Variants in DLGAP1 observed in about 807,000 individuals in gnomAD.
The protein encoded by DLGAP1 is disks large-associated protein 1.
A neutral mutation model predicts 90.8 loss-of-function variants in DLGAP1; 11 were observed. The observed-to-expected ratio is 0.12, with a 90% CI of 0.08 to 0.20. DLGAP1 has a LOEUF of 0.20. Ranked by LOEUF, DLGAP1 falls within the 10% of genes least tolerant of loss-of-function variation. DLGAP1 has a pLI of 1.00. For synonymous variants in DLGAP1, 558 were observed against 540.7 expected (o/e 1.03, Z -0.44); for missense variants, 1,050 against 1,333.8 (o/e 0.79, Z 3.31).
In DLGAP1 at chr18:3,851,169, C is replaced by T. The variant is rs183742587; in HGVS notation, c.957+27943G>A. 5.5e-3 allele frequency among the ~76,000 whole-genome samples: 831 copies of T among 152,134 alleles called. 13 individuals carry two copies. The highest frequency in any genetic ancestry group is 0.019 in the African/African-American group (782 of 41,540). On this transcript the variant is annotated intron_variant, in intron 4 of 12. Transcript: ENST00000315677. ...TAGATATAGCAGAACTCAGAAATCTCTGTTGAATATCCACTCCCCAAAAGT... is the reference window on the plus strand; with the variant it reads ...TAGATATAGCAGAACTCAGAAATCTTTGTTGAATATCCACTCCCCAAAAGT...
At chr18:4,286,659 GAGTC>G (rs2079700350) in intron 1 of DLGAP1, among the ~76,000 whole-genome samples, 1 of 152,178 alleles carries the variant, frequency 6.6e-6, no homozygotes, top group Non-Finnish European at 1.5e-5. Context: ...TATTTAGTGA[GAGTC>G]AGGCAGTGTT....
intron 4 of DLGAP1, among the ~76,000 whole-genome samples, chr18:3,860,082 G>C (rs1446777816): frequency 9.4e-6 from 1 of 106,080 alleles, no homozygotes; most frequent in Non-Finnish European, 2.1e-5. Context: ...CTGGGCGACA[G>C]AGCGAGACTC....
chr18:3,874,843 A>C, intron 4 of DLGAP1: 1 of 1,244,536 alleles, frequency 8.0e-7, no homozygotes, highest in Non-Finnish European at 1.1e-6. Flanking sequence ...AACTGCAGAC[A>C]GCTTGTGAGT....
chr18:3,857,563 G>A (rs1478468343), intron 4 of DLGAP1, among the ~76,000 whole-genome samples: 1 of 152,152 alleles, frequency 6.6e-6, no homozygotes, highest in Non-Finnish European at 1.5e-5. Context: ...TTGTCTGACT[G>A]GACCACTCCT....
chr18:4,451,081 C>G (rs935718642), intron 1 of DLGAP1, among the ~76,000 whole-genome samples: 2 of 152,118 alleles, frequency 1.3e-5, no homozygotes, highest in Non-Finnish European at 2.9e-5. Context: ...AATAAAGCAA[C>G]CAGGAAAAAT....
chr18:4,033,917 T>G (rs1322443011), intron 2 of DLGAP1, among the ~76,000 whole-genome samples: 2 of 151,742 alleles, frequency 1.3e-5, no homozygotes, highest in Non-Finnish European at 2.9e-5. Flanking sequence ...TTTTATATTT[T>G]TAGTAGAGAC....
At chr18:3,741,271 CACA>C (rs2063011131) in intron 6 of DLGAP1, among the ~76,000 whole-genome samples, 1 of 122,568 alleles carries the variant, frequency 8.2e-6, no homozygotes, top group African/African-American at 3.5e-5. Context: ...TCACCACCAC[CACA>C]TCACCATCAC....
At chr18:3,533,284 A>ATTC (rs2052133428) in intron 10 of DLGAP1, among the ~76,000 whole-genome samples, 1 of 152,218 alleles carries the variant, frequency 6.6e-6, no homozygotes. Context: ...TGTGCGAAAA[A>ATTC]GAGTGTCCAT....
chr18:4,304,848 T>C (rs2080210253), intron 1 of DLGAP1, among the ~76,000 whole-genome samples: 1 of 151,954 alleles, frequency 6.6e-6, no homozygotes, highest in South Asian at 2.1e-4. Context: ...GGAGAATCGC[T>C]TGAACCCAGG....
At chr18:4,227,951 C>A (rs2078226461) in intron 1 of DLGAP1, among the ~76,000 whole-genome samples, 1 of 151,568 alleles carries the variant, frequency 6.6e-6, no homozygotes, top group Admixed American at 6.6e-5. Context: ...TGAGAAAACT[C>A]TTGCCAGACT....
At chr18:4,021,924 C>T (rs982852569) in intron 2 of DLGAP1, among the ~76,000 whole-genome samples, 1 of 152,150 alleles carries the variant, frequency 6.6e-6, no homozygotes, top group African/African-American at 2.4e-5. Context: ...TATAGCAACA[C>T]AAGAACAGAC....
intron 3 of DLGAP1, among the ~76,000 whole-genome samples, chr18:3,924,114 G>A (rs1046912281): frequency 2.0e-5 from 3 of 152,142 alleles, no homozygotes; most frequent in Non-Finnish European, 4.4e-5. Flanking sequence ...ATTTCATGGA[G>A]TGTCACTATT....
chr18:4,138,873 G>T (rs546599625), intron 2 of DLGAP1, among the ~76,000 whole-genome samples: 80 of 152,074 alleles, frequency 5.3e-4, no homozygotes, highest in Non-Finnish European at 6.6e-4. Context: ...TTAGTAGGTT[G>T]TATGTGTCTA....
At chr18:4,296,261 A>G (rs2079978625) in intron 1 of DLGAP1, among the ~76,000 whole-genome samples, 1 of 143,882 alleles carries the variant, frequency 7.0e-6, no homozygotes, top group East Asian at 2.1e-4. Context: ...AGACTGTGTA[A>G]CTCACCTTTA....
intron 5 of DLGAP1, among the ~76,000 whole-genome samples, chr18:3,798,569 T>C (rs149179729): frequency 1.3e-5 from 2 of 152,314 alleles, no homozygotes; most frequent in African/African-American, 4.8e-5. Context: ...TCATGGGACT[T>C]GGCACATGGA....
At chr18:4,063,061 T>C (rs2075320875) in intron 2 of DLGAP1, among the ~76,000 whole-genome samples, 1 of 152,100 alleles carries the variant, frequency 6.6e-6, no homozygotes, top group South Asian at 2.1e-4. Flanking sequence ...GACAAATAAA[T>C]TGGCTAAAAA....
At chr18:3,695,138 G>C (rs147569161) in intron 7 of DLGAP1, among the ~76,000 whole-genome samples, 25 of 151,868 alleles carry the variant, frequency 1.6e-4, no homozygotes, top group African/African-American at 5.8e-4. Context: ...TAGAGACGGG[G>C]TTTCACCGTG....
intron 3 of DLGAP1, among the ~76,000 whole-genome samples, chr18:3,999,886 C>G (rs1992474): frequency 0.53 from 81,215 of 152,148 alleles, 22,007 homozygotes; most frequent in Admixed American, 0.58. Context: ...ATCATAGCTC[C>G]TTGCAACCTC....
chr18:3,789,370 C>G (rs62085180), intron 5 of DLGAP1, among the ~76,000 whole-genome samples: 33,435 of 152,056 alleles, frequency 0.22, 3,848 homozygotes, highest in Non-Finnish European at 0.25. Context: ...TGCCAGGGAG[C>G]CATCCAGAAA....
Sources: gnomAD v4.1 joint callset for allele counts (sites outside exome capture counted in the v4.1 genomes callset) on GRCh38, gnomAD v4.1.1 for gene constraint, MANE v1.5 for transcripts, NCBI Gene and HGNC (gene_info 2026-07-23, HGNC 2026-07-21) for gene names.